FAM76A: variants seen among roughly 807,000 people sequenced by gnomAD.
The protein encoded by FAM76A is protein FAM76A.
FAM76A carries 32 observed loss-of-function variants against 46.2 expected under a neutral mutation model. The observed-to-expected ratio is 0.69, with a 90% CI of 0.52 to 0.93. The LOEUF (loss-of-function observed/expected upper bound fraction) is 0.93, where lower values mean the gene tolerates loss of function less well. FAM76A is among the 40% of genes least tolerant of loss of function. The pLI is 0.00. For missense variants in FAM76A, 274 were observed against 361.5 expected, an observed-to-expected ratio of 0.76 and a Z score of 1.96; for synonymous variants, 137 against 127.0, an observed-to-expected ratio of 1.08 and a Z score of -0.53.
chr1:27,745,834 C>A (rs914511330), intron 5 of FAM76A, among the ~76,000 whole-genome samples: 1 of 152,046 alleles, frequency 6.6e-6, no homozygotes, highest in Non-Finnish European at 1.5e-5. Context: ...GGGCATGAGA[C>A]CAAATGGAAC....
At chr1:27,740,795 A>G (rs1258639638) in intron 4 of FAM76A, among the ~76,000 whole-genome samples, 1 of 152,186 alleles carries the variant, frequency 6.6e-6, no homozygotes, top group Non-Finnish European at 1.5e-5. Context: ...GAGGTTACAA[A>G]TTGGCATGTC....
At position 27,762,244 on chromosome 1, in the gene FAM76A, G is replaced by A. The variant is rs2088522035; in HGVS notation, c.*1663G>A. On this transcript the variant is annotated 3_prime_UTR_variant, in exon 9 of 9. Transcript: ENST00000373954. ...ATGGATTTACTTTTCCAGGAAAGGG[G>A]ATAGATTTACATTTCTAGGCATACT... 1 of 152,112 alleles carries A rather than the reference G, an allele frequency of 6.6e-6. No homozygotes were observed. Among genetic ancestry groups the A allele is most frequent in the Non-Finnish European group, 1.5e-5 (1 of 68,022 alleles). The allele number at this position is 152,112 out of a possible 1,614,324, so 9.4% of individuals were successfully genotyped here. A position where few individuals can be genotyped will look rare whatever the true frequency, so the allele number is the denominator to read the frequency against.
intron 5 of FAM76A, among the ~76,000 whole-genome samples, chr1:27,747,393 T>G (rs779534267): frequency 7.2e-5 from 11 of 152,214 alleles, no homozygotes; most frequent in Non-Finnish European, 1.3e-4. Flanking sequence ...TGAAGAAGGA[T>G]GCAGTATCAG....
intron 4 of FAM76A, chr1:27,739,991 A>G (rs114313796): frequency 0.011 from 3,336 of 315,332 alleles, 92 homozygotes; most frequent in African/African-American, 0.066. Flanking sequence ...CCCATCCTCA[A>G]CAGCAACCTG....
At chr1:27,758,682 T>G (rs1197100789) in intron 7 of FAM76A, among the ~76,000 whole-genome samples, 4 of 148,854 alleles carry the variant, frequency 2.7e-5, no homozygotes, top group South Asian at 2.1e-4. Context: ...AATTTTCGTT[T>G]TTTTTTTTTT....
At chr1:27,752,997 T>C (rs1571496503) in intron 6 of FAM76A, among the ~76,000 whole-genome samples, 1 of 152,054 alleles carries the variant, frequency 6.6e-6, no homozygotes, top group Non-Finnish European at 1.5e-5. Context: ...CCGTCTCTAC[T>C]AAAAACACAA....
chr1:27,739,098 AG>A (rs563062981), intron 4 of FAM76A: 182 of 331,994 alleles, frequency 5.5e-4, no homozygotes, highest in African/African-American at 3.6e-3. Context: ...CACTACAAGG[AG>A]GTGTGTGTGA....
rs755735361 is a variant in FAM76A, at chr1:27,762,417, T to C, written c.*1836T>C. 4 of 152,168 alleles carry C rather than the reference T, an allele frequency of 2.6e-5. No homozygotes were observed. The highest frequency in any genetic ancestry group is 5.9e-5 in the Non-Finnish European group (4 of 68,012). 9.4% of individuals were successfully genotyped at this position (152,168 alleles called of 1,614,324 possible). A position where few individuals can be genotyped will look rare whatever the true frequency, so the allele number is the denominator to read the frequency against. ...AGGGCAGATAACATTTGTACCTCAG[T>C]CTACCAAAAAATTATAGTACTAAAT... On this transcript the variant is annotated 3_prime_UTR_variant, in exon 9 of 9. Coordinates refer to ENST00000373954, the MANE Select transcript of FAM76A (RefSeq NM_152660.3).
At chr1:27,739,487 TA>T (rs36060619) in intron 4 of FAM76A, 31 of 394,858 alleles carry the variant, frequency 7.9e-5, no homozygotes, top group Admixed American at 1.6e-4. Context: ...TGTTCTAGTA[TA>T]AAAAAAAACT....
chr1:27,760,749 T>G lies in FAM76A; in HGVS notation c.*168T>G. ...GGGCTGAATGGAAACACCTGGTTTGTGCTGTGTTAGACTGCATGCTTGAGT... is the reference window on the plus strand; with the variant it reads ...GGGCTGAATGGAAACACCTGGTTTGGGCTGTGTTAGACTGCATGCTTGAGT... On this transcript the variant is annotated 3_prime_UTR_variant, in exon 9 of 9. Transcript: ENST00000373954. 2.1e-6 allele frequency: 1 copy of G among 480,666 alleles called. No individual in the cohort carries two copies. Among genetic ancestry groups the G allele is most frequent in the Non-Finnish European group, 3.9e-6 (1 of 257,704 alleles). 29.8% of individuals were successfully genotyped at this position (480,666 alleles called of 1,614,324 possible).
intron 2 of FAM76A, among the ~76,000 whole-genome samples, chr1:27,730,603 A>G (rs2087941275): frequency 6.6e-6 from 1 of 152,192 alleles, no homozygotes; most frequent in Admixed American, 6.6e-5. Context: ...ATTCTACATC[A>G]CAGAATCATT....
intron 4 of FAM76A, among the ~76,000 whole-genome samples, chr1:27,737,868 C>CAAAAAAAAAAAAAAAAAAAA (rs71571865): frequency 8.1e-4 from 51 of 62,686 alleles, no homozygotes; most frequent in South Asian, 1.5e-3. Context: ...ACAACAACAA[C>CAAAAAAAAAAAAAAAAAAAA]AAAAAAAAAA....
At chr1:27,734,309 A>C (rs1243955862) in intron 4 of FAM76A, 126 bp downstream of exon 4, 2 of 917,220 alleles carry the variant, frequency 2.2e-6, no homozygotes, top group Non-Finnish European at 3.1e-6. Context: ...GCACTTTGGG[A>C]GGCCGAGGCT....
chr1:27,751,391 G>GT (rs553288575), intron 6 of FAM76A, among the ~76,000 whole-genome samples: 98 of 146,138 alleles, frequency 6.7e-4, no homozygotes, highest in African/African-American at 2.2e-3. Context: ...CTTGTTGTGG[G>GT]TTTTTTTTCC....
intron 6 of FAM76A, among the ~76,000 whole-genome samples, chr1:27,749,466 C>T (rs147562206): frequency 2.0e-5 from 3 of 152,154 alleles, no homozygotes; most frequent in African/African-American, 7.2e-5. Context: ...CTCCTGGGTT[C>T]GAGCAATTCT....
intron 4 of FAM76A, among the ~76,000 whole-genome samples, chr1:27,742,412 T>A (rs2088170250): frequency 6.6e-6 from 1 of 152,126 alleles, no homozygotes; most frequent in Non-Finnish European, 1.5e-5. Flanking sequence ...AGAGTTACTT[T>A]TGCTCAAAGG....
chr1:27,735,233 C>G (rs1213824652), intron 4 of FAM76A, among the ~76,000 whole-genome samples: 1 of 152,202 alleles, frequency 6.6e-6, no homozygotes, highest in Non-Finnish European at 1.5e-5. Flanking sequence ...ACCACCTGCT[C>G]ACAGTGACCT....
chr1:27,749,469 G>A (rs1370558149), intron 6 of FAM76A, among the ~76,000 whole-genome samples: 1 of 152,166 alleles, frequency 6.6e-6, no homozygotes, highest in African/African-American at 2.4e-5. Context: ...CTGGGTTCGA[G>A]CAATTCTCAT....
At chr1:27,739,393 A>C (rs1197639936) in intron 4 of FAM76A, 1 of 521,938 alleles carries the variant, frequency 1.9e-6, no homozygotes, top group African/African-American at 1.9e-5. Context: ...GTAGAATCTT[A>C]GTGTCTTCAG....
Sources: gnomAD v4.1 joint callset for allele counts (sites outside exome capture counted in the v4.1 genomes callset) on GRCh38, gnomAD v4.1.1 for gene constraint, MANE v1.5 for transcripts, NCBI Gene and HGNC (gene_info 2026-07-23, HGNC 2026-07-21) for gene names.